Variants in ANKS1B observed in about 807,000 individuals in gnomAD.
ANKS1B encodes ankyrin repeat and sterile alpha motif domain containing 1B, also known as ankyrin repeat and sterile alpha motif domain-containing protein 1B.
A neutral mutation model predicts 148.3 loss-of-function variants in ANKS1B; 36 were observed. The ratio of observed to expected loss-of-function variants is 0.24; its 90% confidence interval spans 0.19 to 0.32. The LOEUF (loss-of-function observed/expected upper bound fraction) is 0.32, where lower values mean the gene tolerates loss of function less well. ANKS1B is among the 10% of genes least tolerant of loss of function. ANKS1B has a pLI of 1.00. For synonymous variants in ANKS1B, 542 were observed against 560.8 expected (o/e 0.97, Z 0.47); for missense variants, 1,157 against 1,542.6 (o/e 0.75, Z 4.19).
At chr12:98,830,943 T>C (rs985441533) in intron 18 of ANKS1B, 34 of 114,212 alleles carry the variant, frequency 3.0e-4, no homozygotes, top group Non-Finnish European at 3.7e-4. Flanking sequence ...CCTCATAATT[T>C]TTTTTTTTTT....
At chr12:98,975,510 A>T (rs1418352069) in intron 17 of ANKS1B, among the ~76,000 whole-genome samples, 1 of 152,066 alleles carries the variant, frequency 6.6e-6, no homozygotes, top group African/African-American at 2.4e-5. Flanking sequence ...ATAAGGGTGC[A>T]CGAAATAAAG....
intron 1 of ANKS1B, among the ~76,000 whole-genome samples, chr12:99,969,106 A>C (rs1383991385): frequency 6.6e-6 from 1 of 152,224 alleles, no homozygotes; most frequent in African/African-American, 2.4e-5. Context: ...TTATTAAAAT[A>C]CCTTTGAAGA....
At chr12:99,238,517 T>C (rs2638565) in intron 14 of ANKS1B, among the ~76,000 whole-genome samples, 126,165 of 152,268 alleles carry the variant, frequency 0.83, 52,635 homozygotes, top group East Asian at 1. Flanking sequence ...TTTCTGCAGA[T>C]TTAAATGTCC....
chr12:99,260,227 G>A (rs1281645285), intron 12 of ANKS1B, among the ~76,000 whole-genome samples: 1 of 152,074 alleles, frequency 6.6e-6, no homozygotes, highest in East Asian at 1.9e-4. Context: ...AAAGATCTAC[G>A]ATCTTTAAAT....
intron 8 of ANKS1B, among the ~76,000 whole-genome samples, chr12:99,714,563 T>G (rs983448247): frequency 6.6e-6 from 1 of 152,144 alleles, no homozygotes; most frequent in Non-Finnish European, 1.5e-5. Flanking sequence ...TTTTTTGTGG[T>G]GATTTGTGAT....
chr12:99,314,518 T>C (rs2083688868), intron 12 of ANKS1B, among the ~76,000 whole-genome samples: 2 of 152,168 alleles, frequency 1.3e-5, no homozygotes, highest in Non-Finnish European at 2.9e-5. Flanking sequence ...CTTTGAACTA[T>C]ACTACAAGGC....
chr12:99,593,021 T>C (rs76196180), intron 9 of ANKS1B, among the ~76,000 whole-genome samples: 2,493 of 152,218 alleles, frequency 0.016, 59 homozygotes, highest in African/African-American at 0.056. Flanking sequence ...ACCAAAGTTT[T>C]ATTATGCAGA....
intron 12 of ANKS1B, among the ~76,000 whole-genome samples, chr12:99,357,019 G>A (rs1188807397): frequency 2.6e-5 from 4 of 151,120 alleles, no homozygotes. Context: ...ATTGTTAGGT[G>A]TACAGTGACA....
chr12:98,852,491 G>A (rs2099534955), intron 17 of ANKS1B, among the ~76,000 whole-genome samples: 1 of 152,176 alleles, frequency 6.6e-6, no homozygotes, highest in South Asian at 2.1e-4. Context: ...GGCTCTGGGA[G>A]TACTACTTTC....
At chr12:99,015,883 A>G (rs1044715304) in intron 17 of ANKS1B, among the ~76,000 whole-genome samples, 36 of 152,180 alleles carry the variant, frequency 2.4e-4, no homozygotes, top group African/African-American at 8.2e-4. Flanking sequence ...AAAACAAAAA[A>G]CAAACAAAAA....
At chr12:99,369,872 A>C (rs2093026239) in intron 12 of ANKS1B, among the ~76,000 whole-genome samples, 2 of 151,940 alleles carry the variant, frequency 1.3e-5, no homozygotes, top group Non-Finnish European at 2.9e-5. Context: ...AGATAGATAG[A>C]TAGATAGATA....
In ANKS1B at chr12:99,984,699, G is replaced by T. The variant is rs1252682760; in HGVS notation, c.-462C>A. 2.0e-5 allele frequency: 3 copies of T among 152,200 alleles called. No individual in the cohort carries two copies. Among genetic ancestry groups the T allele is most frequent in the South Asian group, 3.6e-4 (2 of 5,626 alleles). 9.4% of individuals were successfully genotyped at this position (152,200 alleles called of 1,614,324 possible). On this transcript the variant is annotated 5_prime_UTR_variant, in exon 1 of 27. Transcript: ENST00000683438. ...CAGCGGCCCGCGCGCCCTCGCGCCC[G>T]ACCCGGGCTCGCCTCGGCTTCCTCG...
intron 19 of ANKS1B, among the ~76,000 whole-genome samples, chr12:98,815,331 C>A (rs192348638): frequency 6.6e-6 from 1 of 152,292 alleles, no homozygotes; most frequent in East Asian, 1.9e-4. Flanking sequence ...GAAACTGAAA[C>A]AATTTTCTAT....
intron 17 of ANKS1B, among the ~76,000 whole-genome samples, chr12:99,017,029 A>G (rs934603352): frequency 1.3e-5 from 2 of 152,154 alleles, no homozygotes; most frequent in African/African-American, 4.8e-5. Flanking sequence ...ATATCTAAAT[A>G]TGCTTTGGAC....
intron 15 of ANKS1B, chr12:99,104,720 T>C (rs1474359498): frequency 1.3e-5 from 2 of 152,294 alleles, no homozygotes; most frequent in Non-Finnish European, 2.9e-5. Flanking sequence ...TCCTTCTCTA[T>C]ACCTGGAATT....
At chr12:98,872,955 AG>A (rs1323307245) in intron 17 of ANKS1B, among the ~76,000 whole-genome samples, 1 of 152,202 alleles carries the variant, frequency 6.6e-6, no homozygotes, top group Non-Finnish European at 1.5e-5. Context: ...TTGATCTGCC[AG>A]TAATACAAAG....
At chr12:99,427,710 C>G (rs1452743342) in intron 11 of ANKS1B, among the ~76,000 whole-genome samples, 1 of 152,148 alleles carries the variant, frequency 6.6e-6, no homozygotes, top group Non-Finnish European at 1.5e-5. Context: ...TATGATGAAG[C>G]CTGGTAAATA....
At chr12:99,277,647 T>C (rs2153995304) in intron 12 of ANKS1B, among the ~76,000 whole-genome samples, 1 of 152,290 alleles carries the variant, frequency 6.6e-6, no homozygotes, top group South Asian at 2.1e-4. Flanking sequence ...CTCGGTACTG[T>C]TCAGTAGTTT....
At chr12:99,000,999 G>C (rs1330331568) in intron 17 of ANKS1B, among the ~76,000 whole-genome samples, 1 of 152,032 alleles carries the variant, frequency 6.6e-6, no homozygotes, top group Admixed American at 6.6e-5. Flanking sequence ...GCGTGCATGT[G>C]TGTGTGTATA....
Sources: allele counts gnomAD v4.1 joint callset (sites outside exome capture counted in the v4.1 genomes callset), GRCh38; gene constraint gnomAD v4.1.1; transcripts MANE v1.5; gene names NCBI Gene and HGNC (gene_info 2026-07-23, HGNC 2026-07-21).